Variants in PCDH15 observed in about 807,000 individuals in gnomAD.
The protein encoded by PCDH15 is protocadherin-15.
A neutral mutation model predicts 178.5 loss-of-function variants in PCDH15; 129 were observed. That is an observed-to-expected ratio of 0.72 (90% CI 0.63 to 0.84). The LOEUF (loss-of-function observed/expected upper bound fraction) is 0.84. Among genes scored for constraint, PCDH15 ranks in the 40% least tolerant of loss-of-function variants. The pLI, the probability that PCDH15 is intolerant of heterozygous loss-of-function variation, is 0.00. For missense variants in PCDH15, 2,230 were observed against 2,099.9 expected (o/e 1.06, Z -1.21); for synonymous variants, 800 against 732.0 (o/e 1.09, Z -1.50).
intron 2 of PCDH15, among the ~76,000 whole-genome samples, chr10:54,640,428 A>T (rs966593182): frequency 6.6e-6 from 1 of 152,210 alleles, no homozygotes; most frequent in African/African-American, 2.4e-5. Context: ...TGTTAAATAT[A>T]GCTTAGTAAA....
chr10:54,040,969 T>A (rs1335836142), intron 18 of PCDH15, among the ~76,000 whole-genome samples: 4 of 152,086 alleles, frequency 2.6e-5, no homozygotes, highest in Admixed American at 6.6e-5. Context: ...GGATCTCACA[T>A]GAATTGAAAT....
chr10:54,249,559 A>G (rs543355593), intron 8 of PCDH15, among the ~76,000 whole-genome samples: 1 of 152,328 alleles, frequency 6.6e-6, no homozygotes, highest in South Asian at 2.1e-4. Context: ...ATATGTGAAT[A>G]GCATAGAAAT....
intron 2 of PCDH15, among the ~76,000 whole-genome samples, chr10:55,082,205 A>T (rs930412969): frequency 6.6e-6 from 1 of 152,138 alleles, no homozygotes; most frequent in Non-Finnish European, 1.5e-5. Flanking sequence ...AAATTCAAAA[A>T]ATTATATCAA....
chr10:54,559,653 C>A (rs2087793311), intron 2 of PCDH15, among the ~76,000 whole-genome samples: 1 of 151,354 alleles, frequency 6.6e-6, no homozygotes, highest in Admixed American at 6.6e-5. Context: ...TTGGTTTGTT[C>A]CCACAATAAA....
chr10:55,594,173 G>T (rs2132135130), intron 2 of PCDH15, among the ~76,000 whole-genome samples: 1 of 151,940 alleles, frequency 6.6e-6, no homozygotes, highest in African/African-American at 2.4e-5. Flanking sequence ...TGTTTCCAGT[G>T]TACAGGTAGT....
chr10:55,600,572 C>A (rs918739432), intron 2 of PCDH15, among the ~76,000 whole-genome samples: 15 of 152,090 alleles, frequency 9.9e-5, no homozygotes, highest in Non-Finnish European at 2.1e-4. Context: ...TGGATCGGGA[C>A]ATCCTAAATG....
At chr10:54,731,563 T>TATATATATATATATATATATACAC in intron 1 of PCDH15, among the ~76,000 whole-genome samples, 51 of 49,846 alleles carry the variant, frequency 1.0e-3, no homozygotes, top group African/African-American at 3.1e-3. Flanking sequence ...TATATATATA[T>TATATATATATATATATATATACAC]ACACACACAC....
intron 3 of PCDH15, among the ~76,000 whole-genome samples, chr10:54,483,830 C>T (rs140290361): frequency 6.6e-6 from 1 of 151,660 alleles, no homozygotes; most frequent in East Asian, 1.9e-4. Context: ...CTATTTGATC[C>T]TAACATTCAC....
intron 3 of PCDH15, among the ~76,000 whole-genome samples, chr10:54,442,379 TCC>T (rs72321919): frequency 0.44 from 40,932 of 92,694 alleles, 11,765 homozygotes; most frequent in Non-Finnish European, 0.55. Context: ...AGGGACAGTC[TCC>T]TTTTTTTTTA....
intron 3 of PCDH15, among the ~76,000 whole-genome samples, chr10:54,503,264 T>TGAGAGA (rs10663998): frequency 1.0e-4 from 14 of 137,378 alleles, no homozygotes; most frequent in African/African-American, 3.8e-4. Flanking sequence ...TGTGTGTGTG[T>TGAGAGA]GATTATATAT....
At chr10:54,503,333 A>G (rs1044398374) in intron 3 of PCDH15, among the ~76,000 whole-genome samples, 3 of 147,510 alleles carry the variant, frequency 2.0e-5, no homozygotes, top group African/African-American at 4.9e-5. Context: ...TTATATATAT[A>G]TAAGGCATAA....
intron 2 of PCDH15, among the ~76,000 whole-genome samples, chr10:55,505,992 A>T (rs1215339652): frequency 6.6e-6 from 1 of 151,484 alleles, no homozygotes; most frequent in African/African-American, 2.4e-5. Flanking sequence ...GATTATTCAG[A>T]CACCTTAGAC....
chr10:54,132,390 C>G (rs1332942239), intron 15 of PCDH15, among the ~76,000 whole-genome samples: 1 of 152,122 alleles, frequency 6.6e-6, no homozygotes, highest in African/African-American at 2.4e-5. Flanking sequence ...AAAACCACAG[C>G]AATTACAAGA....
intron 2 of PCDH15, among the ~76,000 whole-genome samples, chr10:54,996,546 G>T (rs976820826): frequency 1.3e-5 from 2 of 152,112 alleles, no homozygotes; most frequent in African/African-American, 4.8e-5. Flanking sequence ...AGCCCTTTGG[G>T]GTGCCTTCTT....
At chr10:55,056,246 G>A (rs1841299214) in intron 2 of PCDH15, among the ~76,000 whole-genome samples, 1 of 152,044 alleles carries the variant, frequency 6.6e-6, no homozygotes, top group African/African-American at 2.4e-5. Flanking sequence ...AAACATTAAA[G>A]CCAATTAATA....
intron 1 of PCDH15, among the ~76,000 whole-genome samples, chr10:54,699,997 A>T (rs114321717): frequency 1.3e-5 from 2 of 152,108 alleles, no homozygotes; most frequent in South Asian, 4.1e-4. Context: ...TAAAATCCTT[A>T]ACCTCTCCAT....
chr10:54,366,153 C>T (rs1455466559), intron 5 of PCDH15, among the ~76,000 whole-genome samples: 2 of 152,020 alleles, frequency 1.3e-5, no homozygotes, highest in Non-Finnish European at 2.9e-5. Context: ...TGCTCCAGTT[C>T]TCAGTTTTCT....
At chr10:54,322,715 A>T (rs1443437507) in intron 7 of PCDH15, among the ~76,000 whole-genome samples, 1 of 152,072 alleles carries the variant, frequency 6.6e-6, no homozygotes, top group African/African-American at 2.4e-5. Flanking sequence ...AAATTGACTC[A>T]AGATGAATTA....
At chr10:54,218,389 T>C (rs548489527) in intron 9 of PCDH15, among the ~76,000 whole-genome samples, 1 of 152,332 alleles carries the variant, frequency 6.6e-6, no homozygotes, top group African/African-American at 2.4e-5. Context: ...CAATTTTATG[T>C]TGAAGCCCTT....
Sources: allele counts gnomAD v4.1 joint callset (sites outside exome capture counted in the v4.1 genomes callset), GRCh38; gene constraint gnomAD v4.1.1; transcripts MANE v1.5; gene names NCBI Gene and HGNC (gene_info 2026-07-23, HGNC 2026-07-21).